The following SORBS2 variants were observed in gnomAD, a reference collection of about 807,000 sequenced individuals.
The protein encoded by SORBS2 is sorbin and SH3 domain containing 2, also known as sorbin and SH3 domain-containing protein 2.
A neutral mutation model predicts 97.7 loss-of-function variants in SORBS2; 46 were observed. The ratio of observed to expected loss-of-function variants is 0.47; its 90% confidence interval spans 0.37 to 0.60. The LOEUF is 0.60. Ranked by LOEUF, SORBS2 falls within the 20% of genes least tolerant of loss-of-function variation. The pLI, the probability that SORBS2 is intolerant of heterozygous loss-of-function variation, is 0.00. For missense variants in SORBS2, 1,316 were observed against 1,282.3 expected, an observed-to-expected ratio of 1.03 and a Z score of -0.40; for synonymous variants, 476 against 473.4, an observed-to-expected ratio of 1.01 and a Z score of -0.07.
At chr4:185,808,952 T>C (rs1042211369) in intron 1 of SORBS2, among the ~76,000 whole-genome samples, 10 of 152,234 alleles carry the variant, frequency 6.6e-5, no homozygotes, top group African/African-American at 2.4e-4. Context: ...CAAGTTGTTT[T>C]GTTTAAAACA....
rs144994437 is a variant in SORBS2 at position 185,839,534 on chromosome 4, G to A, written c.-337-64168C>T. Among the ~76,000 whole-genome samples the A allele has an allele frequency of 5.7e-3, 870 of 152,264 alleles. 36 individuals are homozygous for A. Among genetic ancestry groups the A allele is most frequent in the Admixed American group, 0.05 (772 of 15,294 alleles). On this transcript the variant is annotated intron_variant, in intron 1 of 20. Coordinates refer to the SORBS2 transcript ENST00000284776. ...CAGTCAGAGTTCCCAAGAACAAGCC[G>A]GAGCACACTGAGCGCTCCCTAGGGA...
chr4:185,632,594 A>G (rs2096925945), intron 4 of SORBS2, among the ~76,000 whole-genome samples: 2 of 152,228 alleles, frequency 1.3e-5, no homozygotes, highest in South Asian at 4.1e-4. Flanking sequence ...AGAGCCTGAG[A>G]GCATCGGCGT....
chr4:185,850,496 T>A (rs922192939), intron 1 of SORBS2, among the ~76,000 whole-genome samples: 8 of 152,046 alleles, frequency 5.3e-5, no homozygotes, highest in Middle Eastern at 3.2e-3. Flanking sequence ...CTTGGAAAAT[T>A]TTGCTGCAAT....
intron 1 of SORBS2, among the ~76,000 whole-genome samples, chr4:185,872,402 G>A (rs758836222): frequency 9.2e-5 from 14 of 152,162 alleles, no homozygotes; most frequent in Non-Finnish European, 1.9e-4. Flanking sequence ...TCTGTACAAG[G>A]GGGATACTAA....
At chr4:185,657,047 T>C, upstream of SORBS2, 2 of 538,248 alleles carry the variant, frequency 3.7e-6, no homozygotes, top group Non-Finnish European at 5.0e-6. Flanking sequence ...GCAATGCATG[T>C]GGGAATTCAA....
At position 185,646,800 on chromosome 4, in the gene SORBS2, A is replaced by G. The variant is rs1437083390; in HGVS notation, c.282-18T>C. ...AGTCATGCCTAGAAATAAACAATAA[A>G]TCACACATTAAAATAATCCTTTTTG... On this transcript the variant is annotated intron_variant, in intron 3 of 14. Transcript: ENST00000418609. The G allele has an allele frequency of 6.6e-6, 9 of 1,353,626 alleles. No homozygotes were observed. The African/African-American group carries it at 7.2e-5, about 11-fold the overall frequency. The allele number at this position is 1,353,626 out of a possible 1,614,324, so 83.9% of individuals were successfully genotyped here.
intron 1 of SORBS2, among the ~76,000 whole-genome samples, chr4:185,800,406 C>A (rs568303733): frequency 6.6e-6 from 1 of 152,262 alleles, no homozygotes; most frequent in East Asian, 1.9e-4. Flanking sequence ...CGTTCCTGGG[C>A]GTCCGCTGGG....
intron 2 of SORBS2, among the ~76,000 whole-genome samples, chr4:185,763,049 T>TGTG (rs1359467747): frequency 6.6e-6 from 1 of 151,864 alleles, no homozygotes; most frequent in Non-Finnish European, 1.5e-5. Context: ...ATTAGCTGGG[T>TGTG]GTGGTGGCAG....
At chr4:185,804,509 A>T (rs2099144748) in intron 1 of SORBS2, among the ~76,000 whole-genome samples, 1 of 152,242 alleles carries the variant, frequency 6.6e-6, no homozygotes, top group South Asian at 2.1e-4. Context: ...TTCAATGTTA[A>T]ATCCCTCTTT....
intron 1 of SORBS2, among the ~76,000 whole-genome samples, chr4:185,787,688 C>T (rs796495771): frequency 4.6e-5 from 7 of 152,278 alleles, no homozygotes; most frequent in African/African-American, 1.4e-4. Flanking sequence ...CTAAGTGCCT[C>T]CACTTTGGGT....
intron 1 of SORBS2, among the ~76,000 whole-genome samples, chr4:185,817,912 A>T (rs1389789982): frequency 6.6e-6 from 1 of 152,226 alleles, no homozygotes; most frequent in Admixed American, 6.5e-5. Flanking sequence ...TTCATTGGTC[A>T]AGATAATAAG....
chr4:185,706,707 G>A lies in SORBS2; in HGVS notation c.-197-27885C>T, dbSNP rs200488097. 2.0e-5 allele frequency among the ~76,000 whole-genome samples: 3 copies of A among 151,996 alleles called. No individual in the cohort carries two copies. In the East Asian group the frequency reaches 5.8e-4, roughly 29 times the overall value. ...ATGCTTATCATTCTCTTCCTTTCCT[G>A]TTCATATAATTTCATTGTATTTATA... On this transcript the variant is annotated intron_variant, in intron 2 of 20. Transcript: ENST00000284776.
At chr4:185,942,932 A>C (rs2099272827) in intron 1 of SORBS2, among the ~76,000 whole-genome samples, 1 of 152,222 alleles carries the variant, frequency 6.6e-6, no homozygotes, top group South Asian at 2.1e-4. Context: ...GACTGAAAAA[A>C]ATGTGGTTTA....
intron 1 of SORBS2, among the ~76,000 whole-genome samples, chr4:185,862,131 GTA>G (rs912885737): frequency 6.6e-5 from 10 of 152,286 alleles, no homozygotes; most frequent in Admixed American, 2.0e-4. Context: ...AACAGTGTAT[GTA>G]TATGTGTGTG....
intron 2 of SORBS2, among the ~76,000 whole-genome samples, chr4:185,681,124 A>G (rs1342050141): frequency 6.6e-6 from 1 of 152,198 alleles, no homozygotes; most frequent in Non-Finnish European, 1.5e-5. Context: ...AATAAAGCTT[A>G]TGTTGATGAT....
intron 14 of SORBS2, 130 bp from the exon 27 acceptor site, chr4:185,587,818 C>G (rs1407435965): frequency 1.4e-6 from 1 of 707,614 alleles, no homozygotes; most frequent in Non-Finnish European, 2.5e-6. Flanking sequence ...AGAAGGCAGG[C>G]AACTCACATG....
At chr4:185,938,526 G>A (rs1163304237) in intron 1 of SORBS2, among the ~76,000 whole-genome samples, 2 of 151,800 alleles carry the variant, frequency 1.3e-5, no homozygotes, top group Admixed American at 6.6e-5. Flanking sequence ...CTTATCCTGC[G>A]TGTCAAAGCT....
At chr4:185,757,060 A>G in intron 2 of SORBS2, 1 of 743,320 alleles carries the variant, frequency 1.3e-6, no homozygotes, top group Non-Finnish European at 2.4e-6. Flanking sequence ...GCAGGCTTCC[A>G]TTTTTGTTCA....
intron 1 of SORBS2, among the ~76,000 whole-genome samples, chr4:185,786,549 A>G (rs2099056988): frequency 6.6e-6 from 1 of 152,222 alleles, no homozygotes; most frequent in African/African-American, 2.4e-5. Flanking sequence ...CATTCCAAGG[A>G]AAGAACTGAG....
Sources: gnomAD v4.1 joint callset for allele counts (sites outside exome capture counted in the v4.1 genomes callset) on GRCh38, gnomAD v4.1.1 for gene constraint, MANE v1.5 for transcripts, NCBI Gene and HGNC (gene_info 2026-07-23, HGNC 2026-07-21) for gene names.